Variants in CXCL13 observed in about 807,000 individuals in gnomAD.
The protein encoded by CXCL13 is C-X-C motif chemokine ligand 13.
In CXCL13, 7 loss-of-function variants were observed where a neutral mutation model predicts 12.2. The observed-to-expected ratio is 0.57, with a 90% CI of 0.33 to 1.07. The LOEUF is 1.07. Ranked by LOEUF, CXCL13 falls within the 50% of genes least tolerant of loss-of-function variation. The pLI is 0.04. For missense variants in CXCL13, 113 were observed against 127.4 expected (o/e 0.89, Z 0.55); for synonymous variants, 47 against 42.4 (o/e 1.11, Z -0.42).
intron 1 of CXCL13, among the ~76,000 whole-genome samples, chr4:77,541,244 G>A (rs1725200253): frequency 6.6e-6 from 1 of 152,100 alleles, no homozygotes; most frequent in Non-Finnish European, 1.5e-5. Context: ...CTGTGCAGAA[G>A]CTCTTTAGTT....
chr4:77,588,810 A>T lies in CXCL13; in HGVS notation c.-42-17014A>T, dbSNP rs140111952. 1.9e-3 allele frequency among the ~76,000 whole-genome samples: 286 copies of T among 152,310 alleles called. 7 individuals are homozygous for T. The highest frequency in any genetic ancestry group is 0.018 in the Admixed American group (275 of 15,298). On this transcript the variant is annotated intron_variant, in intron 1 of 4. Coordinates refer to the CXCL13 transcript ENST00000286758. Reference sequence around the variant, plus strand: ...CTCAAGCATAGATAAACGAGAACAAAGCTGAACTCTCCCATAGCAATCACT... The same window carrying T: ...CTCAAGCATAGATAAACGAGAACAATGCTGAACTCTCCCATAGCAATCACT...
At chr4:77,591,211 A>G (rs1726601054) in intron 1 of CXCL13, among the ~76,000 whole-genome samples, 2 of 152,166 alleles carry the variant, frequency 1.3e-5, no homozygotes, top group African/African-American at 4.8e-5. Context: ...ATATATATAC[A>G]TTCCTACTAT....
At chr4:77,542,948 TC>T (rs1273919851) in intron 1 of CXCL13, among the ~76,000 whole-genome samples, 5 of 152,146 alleles carry the variant, frequency 3.3e-5, no homozygotes, top group Admixed American at 6.6e-5. Flanking sequence ...TAGCAGCTTT[TC>T]TTTTTAGGTA....
At chr4:77,606,341 C>T (rs72861978) in intron 1 of CXCL13, among the ~76,000 whole-genome samples, 11,443 of 152,214 alleles carry the variant, frequency 0.075, 1,332 homozygotes, top group African/African-American at 0.25. Flanking sequence ...CTTCATGTAA[C>T]TCCAAATGGT....
intron 1 of CXCL13, among the ~76,000 whole-genome samples, chr4:77,560,980 G>A (rs914189377): frequency 2.0e-5 from 3 of 151,942 alleles, no homozygotes; most frequent in African/African-American, 4.8e-5. Flanking sequence ...CTCTGTCCTG[G>A]GAACCCCAGG....
At chr4:77,539,182 G>A (rs1232953166) in intron 1 of CXCL13, among the ~76,000 whole-genome samples, 1 of 151,650 alleles carries the variant, frequency 6.6e-6, no homozygotes, top group Non-Finnish European at 1.5e-5. Flanking sequence ...TCCTGCCTTA[G>A]TCTACTGAGT....
At chr4:77,514,675 T>C (rs1319204220) in intron 1 of CXCL13, among the ~76,000 whole-genome samples, 2 of 151,612 alleles carry the variant, frequency 1.3e-5, no homozygotes, top group Admixed American at 1.3e-4. Flanking sequence ...CTTGTAAATT[T>C]GTTTGAGTTC....
At chr4:77,538,114 CTG>C (rs1054928908) in intron 1 of CXCL13, among the ~76,000 whole-genome samples, 1 of 152,166 alleles carries the variant, frequency 6.6e-6, no homozygotes, top group African/African-American at 2.4e-5. Flanking sequence ...CTTGAACCCA[CTG>C]TGCCTAAAAC....
intron 1 of CXCL13, among the ~76,000 whole-genome samples, chr4:77,582,087 A>G (rs373754072): frequency 1.3e-5 from 2 of 152,132 alleles, no homozygotes; most frequent in African/African-American, 4.8e-5. Context: ...ACATCATTCT[A>G]TTCTCCTAAT....
intron 1 of CXCL13, among the ~76,000 whole-genome samples, chr4:77,568,390 T>C (rs1011758720): frequency 6.6e-6 from 1 of 152,208 alleles, no homozygotes; most frequent in African/African-American, 2.4e-5. Context: ...ACCCCCTTTG[T>C]CACCTCTTCT....
chr4:77,587,768 C>A (rs1049571699), intron 1 of CXCL13, among the ~76,000 whole-genome samples: 3 of 152,206 alleles, frequency 2.0e-5, no homozygotes, highest in African/African-American at 4.8e-5. Context: ...CTTTTCAGTT[C>A]TCTGATGCTC....
At chr4:77,597,754 T>C (rs1237892227) in intron 1 of CXCL13, among the ~76,000 whole-genome samples, 2 of 152,062 alleles carry the variant, frequency 1.3e-5, no homozygotes, top group Non-Finnish European at 2.9e-5. Flanking sequence ...GGCAACAGGA[T>C]CTGCTCTGTG....
rs78132822 is a variant in CXCL13 at position 77,587,304 on chromosome 4, T to G, written c.-42-18520T>G. 7.6e-3 allele frequency among the ~76,000 whole-genome samples: 1,156 copies of G among 152,306 alleles called. 7 individuals are homozygous for G. The highest frequency in any genetic ancestry group is 0.013 in the Non-Finnish European group (911 of 68,020). ...CCCCTTTGTTCATTCACTTGTGCAT[T>G]CAGTCAGCAGAGGAGCCAGGGGGAT... On this transcript the variant is annotated intron_variant, in intron 1 of 4. Coordinates refer to the CXCL13 transcript ENST00000286758.
chr4:77,513,394 A>G (rs2110076106), intron 1 of CXCL13, among the ~76,000 whole-genome samples: 1 of 151,906 alleles, frequency 6.6e-6, no homozygotes, highest in Admixed American at 6.6e-5. Context: ...TTACACTCCC[A>G]CCAACAGTGT....
At chr4:77,542,795 T>A (rs1352276004) in intron 1 of CXCL13, among the ~76,000 whole-genome samples, 1 of 152,202 alleles carries the variant, frequency 6.6e-6, no homozygotes, top group Non-Finnish European at 1.5e-5. Flanking sequence ...TTTGCATCCA[T>A]GTTAATCAGG....
intron 1 of CXCL13, among the ~76,000 whole-genome samples, chr4:77,538,432 T>C (rs998088997): frequency 3.3e-5 from 5 of 151,708 alleles, no homozygotes; most frequent in African/African-American, 1.2e-4. Context: ...TCTTTTTTTT[T>C]TTTTTTTTCC....
At chr4:77,575,663 C>T (rs1050234924) in intron 1 of CXCL13, among the ~76,000 whole-genome samples, 1 of 151,612 alleles carries the variant, frequency 6.6e-6, no homozygotes, top group Admixed American at 6.6e-5. Context: ...TCCATGTAAA[C>T]CTCCAACATT....
intron 1 of CXCL13, among the ~76,000 whole-genome samples, chr4:77,568,798 TG>T (rs1353407260): frequency 6.6e-6 from 1 of 152,226 alleles, no homozygotes; most frequent in Non-Finnish European, 1.5e-5. Flanking sequence ...TCTAGGATTG[TG>T]GGTTACAGTC....
intron 1 of CXCL13, among the ~76,000 whole-genome samples, chr4:77,534,420 A>G (rs1003554978): frequency 6.6e-6 from 1 of 152,206 alleles, no homozygotes; most frequent in Non-Finnish European, 1.5e-5. Flanking sequence ...AAACGACCAA[A>G]TTATTGATAT....
Sources: gnomAD v4.1 joint callset for allele counts (sites outside exome capture counted in the v4.1 genomes callset) on GRCh38, gnomAD v4.1.1 for gene constraint, MANE v1.5 for transcripts, NCBI Gene and HGNC (gene_info 2026-07-23, HGNC 2026-07-21) for gene names.